LRP1B: variants seen among roughly 807,000 people sequenced by gnomAD.
LRP1B encodes low-density lipoprotein receptor-related protein 1B.
A neutral mutation model predicts 556.6 loss-of-function variants in LRP1B; 217 were observed. The observed-to-expected ratio is 0.39, with a 90% confidence interval of 0.35 to 0.44. The LOEUF (loss-of-function observed/expected upper bound fraction) is 0.44, where lower values mean the gene tolerates loss of function less well. Among genes scored for constraint, LRP1B ranks in the 20% least tolerant of loss-of-function variants. The pLI is 1.00. For missense variants in LRP1B, 5,053 were observed against 5,620.8 expected (o/e 0.90, Z 3.23); for synonymous variants, 2,047 against 1,865.8 (o/e 1.10, Z -2.50).
chr2:141,237,693 A>T (rs1573695551), intron 5 of LRP1B, among the ~76,000 whole-genome samples: 1 of 152,178 alleles, frequency 6.6e-6, no homozygotes, highest in African/African-American at 2.4e-5. Flanking sequence ...GCAATTCAGT[A>T]TATTGTTTTT....
At chr2:141,056,698 A>T (rs1389661795) in intron 9 of LRP1B, among the ~76,000 whole-genome samples, 1 of 151,736 alleles carries the variant, frequency 6.6e-6, no homozygotes, top group Non-Finnish European at 1.5e-5. Context: ...TTATTTCTCC[A>T]TTTGTGATTA....
intron 2 of LRP1B, among the ~76,000 whole-genome samples, chr2:141,538,638 CTTTT>C (rs35243335): frequency 9.8e-6 from 1 of 102,158 alleles, no homozygotes. Flanking sequence ...AAAAAAACTT[CTTTT>C]TTTTTTTTTT....
rs2105059451 is a variant in LRP1B at position 140,324,015 on chromosome 2, G to A, written c.12392C>T (p.Ala4131Val). ...IDIFEDYIYG[A>V]GPKNGVFRVQ... is the part of the protein sequence containing the mutation. ...TCGAAATACACCATTTTTAGGTCCTGCTCCATATATATAATCTTCAAAGAT... is the reference window on the plus strand; with the variant it reads ...TCGAAATACACCATTTTTAGGTCCTACTCCATATATATAATCTTCAAAGAT... Residue 4131 changes from alanine (A) to valine (V), a missense_variant, in exon 81 of 91, where the codon GCA becomes GTA. Ala to Val is a moderately conservative substitution (Grantham distance 64). This residue lies in a region of LRP1B where 551 missense variants were observed against 592.0 expected (regional missense o/e 0.93). Coordinates refer to ENST00000389484, the MANE Select transcript of LRP1B (RefSeq NM_018557.3). 1 of 1,609,918 alleles carries A rather than the reference G, an allele frequency of 6.2e-7. No homozygotes were observed. Among genetic ancestry groups the A allele is most frequent in the Non-Finnish European group, 8.5e-7 (1 of 1,176,872 alleles).
At chr2:141,142,921 C>CCTTT (rs780378312) in intron 7 of LRP1B, among the ~76,000 whole-genome samples, 2 of 101,434 alleles carry the variant, frequency 2.0e-5, no homozygotes, top group East Asian at 6.0e-4. Flanking sequence ...TGTCTGATTA[C>CCTTT]TTTTTTTTTT....
chr2:141,117,065 C>T lies in LRP1B; in HGVS notation c.1014-54792G>A, dbSNP rs548684159. Among the ~76,000 whole-genome samples, 9 of 152,036 alleles carry T rather than the reference C, an allele frequency of 5.9e-5. No individual in the cohort carries two copies. In the South Asian group the frequency reaches 6.2e-4, roughly 11 times the overall value. ...TCATTTTTTCTAGATGTATTAATAA[C>T]GATTACAAGCAAATTCAGGAATGCC... On this transcript the variant is annotated intron_variant, in intron 7 of 90. Coordinates refer to ENST00000389484, the MANE Select transcript of LRP1B (RefSeq NM_018557.3).
chr2:140,831,249 C>T (rs781359651), intron 31 of LRP1B, among the ~76,000 whole-genome samples: 5 of 152,048 alleles, frequency 3.3e-5, no homozygotes, highest in Non-Finnish European at 7.4e-5. Context: ...AAGACAGAGA[C>T]ATCACATTAC....
chr2:141,368,812 C>T (rs78155088), intron 3 of LRP1B, among the ~76,000 whole-genome samples: 3,466 of 152,068 alleles, frequency 0.023, 140 homozygotes, highest in African/African-American at 0.08. Context: ...ACAATAAGTT[C>T]GATTGAGATA....
intron 3 of LRP1B, among the ~76,000 whole-genome samples, chr2:141,343,791 G>A (rs976688937): frequency 3.3e-5 from 5 of 152,122 alleles, no homozygotes; most frequent in Admixed American, 6.5e-5. Flanking sequence ...TTTCTTATAA[G>A]CATGTGCTCA....
chr2:141,061,125 C>A (rs2105466479), intron 8 of LRP1B, among the ~76,000 whole-genome samples: 1 of 151,732 alleles, frequency 6.6e-6, no homozygotes, highest in African/African-American at 2.4e-5. Context: ...ATTTTTGGGG[C>A]AGTTGAAGGT....
chr2:141,420,849 C>T lies in LRP1B; in HGVS notation c.343+59547G>A, dbSNP rs554496508. Among the ~76,000 whole-genome samples the T allele has an allele frequency of 1.1e-4, 16 of 152,304 alleles. No individual in the cohort carries two copies. In the South Asian group the frequency reaches 3.1e-3, roughly 30 times the overall value. Reference sequence around the variant, plus strand: ...TTTCATCAGTGCTCATGGGGTGAAACAGAAACTAGTCCCTCAGGTAGTCCT... The same window carrying T: ...TTTCATCAGTGCTCATGGGGTGAAATAGAAACTAGTCCCTCAGGTAGTCCT... On this transcript the variant is annotated intron_variant, in intron 3 of 90. Coordinates refer to ENST00000389484, the MANE Select transcript of LRP1B (RefSeq NM_018557.3).
chr2:140,771,379 T>C (rs1559109362), intron 33 of LRP1B, among the ~76,000 whole-genome samples: 1 of 152,174 alleles, frequency 6.6e-6, no homozygotes, highest in Non-Finnish European at 1.5e-5. Flanking sequence ...TGCAAGAATA[T>C]TTTATCCAAA....
intron 1 of LRP1B, among the ~76,000 whole-genome samples, chr2:141,844,807 A>G (rs1466333022): frequency 1.3e-5 from 2 of 151,750 alleles, no homozygotes; most frequent in Non-Finnish European, 2.9e-5. Flanking sequence ...TATTGACATA[A>G]TTCAATTATT....
At chr2:140,482,964 C>T (rs1358739465) in intron 59 of LRP1B, among the ~76,000 whole-genome samples, 1 of 152,034 alleles carries the variant, frequency 6.6e-6, no homozygotes, top group Non-Finnish European at 1.5e-5. Flanking sequence ...TTTTTTGAAG[C>T]AAGATTGCAT....
chr2:141,505,396 C>T (rs375767644), intron 2 of LRP1B, among the ~76,000 whole-genome samples: 1 of 152,090 alleles, frequency 6.6e-6, no homozygotes, highest in Non-Finnish European at 1.5e-5. Context: ...CACACACATA[C>T]TTCTGGCATC....
intron 1 of LRP1B, among the ~76,000 whole-genome samples, chr2:142,040,674 A>G (rs890440478): frequency 1.3e-5 from 2 of 151,284 alleles, no homozygotes; most frequent in African/African-American, 4.8e-5. Context: ...AGCAAGACAA[A>G]AAAAGTCCAC....
chr2:141,447,847 G>T (rs1045143652), intron 3 of LRP1B, among the ~76,000 whole-genome samples: 23 of 152,308 alleles, frequency 1.5e-4, no homozygotes, highest in African/African-American at 5.3e-4. Flanking sequence ...TGAGGTGTCT[G>T]TTGACCCCTG....
At chr2:140,930,814 T>A (rs17519490) in intron 20 of LRP1B, among the ~76,000 whole-genome samples, 2 of 152,106 alleles carry the variant, frequency 1.3e-5, no homozygotes, top group African/African-American at 2.4e-5. Flanking sequence ...AATCACTATG[T>A]ATTAATAATT....
At chr2:141,375,313 C>T (rs1186458997) in intron 3 of LRP1B, among the ~76,000 whole-genome samples, 2 of 152,108 alleles carry the variant, frequency 1.3e-5, no homozygotes, top group African/African-American at 4.8e-5. Flanking sequence ...GCAGCTTACA[C>T]TGTTTCAAGT....
At chr2:141,235,085 T>C (rs62172881) in intron 5 of LRP1B, among the ~76,000 whole-genome samples, 1 of 152,078 alleles carries the variant, frequency 6.6e-6, no homozygotes, top group Non-Finnish European at 1.5e-5. Context: ...TCACATTTTA[T>C]TATAGAAATA....
Sources: gnomAD v4.1 joint callset for allele counts (sites outside exome capture counted in the v4.1 genomes callset) on GRCh38, gnomAD v4.1.1 for gene constraint, gnomAD v4.1.1 regional missense constraint, MANE v1.5 for transcripts, NCBI Gene and HGNC (gene_info 2026-07-23, HGNC 2026-07-21) for gene names.